Variants in EHMT1 observed in about 807,000 individuals in gnomAD.
The protein encoded by EHMT1 is histone-lysine N-methyltransferase EHMT1.
In EHMT1, 15 loss-of-function variants were observed where a neutral mutation model predicts 147.2. That is an observed-to-expected ratio of 0.10 (90% CI 0.07 to 0.16). EHMT1 has a LOEUF of 0.16. EHMT1 is among the 10% of genes least tolerant of loss of function. The probability of loss-of-function intolerance (pLI) is 1.00; values close to 1 mark genes in which losing one functional copy is unlikely to be tolerated. For synonymous variants in EHMT1, 795 were observed against 709.6 expected (o/e 1.12, Z -1.91); for missense variants, 1,587 against 1,772.4 (o/e 0.90, Z 1.88).
At chr9:137,724,797 G>A (rs887801616) in intron 3 of EHMT1, among the ~76,000 whole-genome samples, 4 of 152,148 alleles carry the variant, frequency 2.6e-5, no homozygotes, top group African/African-American at 9.7e-5. Context: ...ACCAAGAAAC[G>A]TTATACAGCA....
At chr9:137,763,042 A>G in intron 10 of EHMT1, 2 of 632,466 alleles carry the variant, frequency 3.2e-6, no homozygotes, top group Non-Finnish European at 2.8e-6. Flanking sequence ...CTGTGTAGAC[A>G]AAGTCTTTGA....
intron 13 of EHMT1, among the ~76,000 whole-genome samples, chr9:137,778,987 G>A (rs1346001056): frequency 2.0e-5 from 3 of 152,066 alleles, no homozygotes; most frequent in African/African-American, 4.8e-5. Flanking sequence ...CTGACTGAGC[G>A]GGAACTCACT....
chr9:137,824,036 T>C (rs757282029), intron 25 of EHMT1, among the ~76,000 whole-genome samples: 12 of 152,258 alleles, frequency 7.9e-5, no homozygotes, highest in African/African-American at 2.4e-4. Flanking sequence ...ATTCTATTAC[T>C]TTCCATGTCC....
At chr9:137,656,813 T>C (rs1242393938) in intron 1 of EHMT1, among the ~76,000 whole-genome samples, 1 of 152,148 alleles carries the variant, frequency 6.6e-6, no homozygotes, top group Non-Finnish European at 1.5e-5. Context: ...CCATCTTGGC[T>C]CACTGCAACC....
At chr9:137,754,657 C>CGT (rs1463104296) in intron 8 of EHMT1, among the ~76,000 whole-genome samples, 4 of 152,050 alleles carry the variant, frequency 2.6e-5, no homozygotes, top group African/African-American at 9.7e-5. Context: ...GGACTATAGG[C>CGT]GTGTGCCATC....
chr9:137,796,069 C>T (rs530487874), intron 16 of EHMT1, among the ~76,000 whole-genome samples: 3 of 152,312 alleles, frequency 2.0e-5, no homozygotes, highest in East Asian at 3.9e-4. Context: ...CTGATGGCAT[C>T]GAAAGCGAGA....
chr9:137,635,592 G>A (rs542056529), intron 1 of EHMT1, among the ~76,000 whole-genome samples: 6 of 151,632 alleles, frequency 4.0e-5, no homozygotes, highest in Non-Finnish European at 7.4e-5. Context: ...AGGCCGAGGT[G>A]GGTGGATCAC....
intron 5 of EHMT1, 46 bp downstream of exon 5, chr9:137,743,574 G>GT (rs1564675875): frequency 1.2e-6 from 2 of 1,613,098 alleles, no homozygotes; most frequent in South Asian, 2.2e-5. Context: ...GTGGAAATGC[G>GT]TTTCTGTGTT....
chr9:137,826,282 T>A (rs1955809449), intron 25 of EHMT1, among the ~76,000 whole-genome samples: 1 of 152,234 alleles, frequency 6.6e-6, no homozygotes, highest in African/African-American at 2.4e-5. Flanking sequence ...GCTTATCTTC[T>A]TCTTTCCCTG....
chr9:137,777,776 C>G, intron 12 of EHMT1, 106 bp from the exon 13 acceptor site: 1 of 1,501,022 alleles, frequency 6.7e-7, no homozygotes, highest in East Asian at 2.3e-5. Flanking sequence ...GGACAGTAAG[C>G]AAATCCGCAG....
At chr9:137,627,265 T>C (rs530322213) in intron 1 of EHMT1, among the ~76,000 whole-genome samples, 3 of 143,934 alleles carry the variant, frequency 2.1e-5, no homozygotes, top group Non-Finnish European at 4.7e-5. Flanking sequence ...GCCATTTTTT[T>C]TTTTTTTTTT....
intron 24 of EHMT1, 40 bp from the exon 25 acceptor site, chr9:137,818,020 G>T (rs377215233): frequency 1.2e-6 from 2 of 1,605,818 alleles, no homozygotes; most frequent in Non-Finnish European, 8.5e-7. Context: ...GGCAGTGCTC[G>T]CTGCCTTCCA....
intron 1 of EHMT1, among the ~76,000 whole-genome samples, chr9:137,690,368 A>C (rs1942830933): frequency 6.6e-6 from 1 of 151,952 alleles, no homozygotes; most frequent in African/African-American, 2.4e-5. Flanking sequence ...CAGGAGGCTG[A>C]GCTTAGCGGC....
At position 137,651,890 on chromosome 9, in the gene EHMT1, TA is replaced by T. The variant is rs1441274594; in HGVS notation, c.21+32844del. 3.7e-4 allele frequency among the ~76,000 whole-genome samples: 56 copies of T among 152,328 alleles called. 1 individual carries two copies. The East Asian group carries it at 5.6e-3, about 15-fold the overall frequency. ...ATAGGCATTATGTGTCCTGCTCAGG[TA>T]AACAAACCTACTCTGCTATCAGTTG... is the stretch of plus-strand genomic sequence containing the variant. On this transcript the variant is annotated intron_variant, in intron 1 of 26. Coordinates refer to ENST00000460843, the MANE Select transcript of EHMT1 (RefSeq NM_024757.5).
chr9:137,768,014 C>T (rs181464127), intron 10 of EHMT1, among the ~76,000 whole-genome samples: 173 of 152,222 alleles, frequency 1.1e-3, no homozygotes, highest in Non-Finnish European at 2.1e-3. Context: ...ATTACAGCTG[C>T]CTACAGTATT....
chr9:137,834,200 C>T (rs554378998), intron 25 of EHMT1, 149 bp from the exon 26 acceptor site: 1 of 1,056,764 alleles, frequency 9.5e-7, no homozygotes, highest in Non-Finnish European at 1.4e-6. Context: ...CTCCGCACCG[C>T]CGCCACAGGT....
chr9:137,715,611 C>T (rs992800235), intron 2 of EHMT1: 1 of 985,300 alleles, frequency 1.0e-6, no homozygotes, highest in Non-Finnish European at 1.2e-6. Context: ...TCGCAGGCTT[C>T]CTGCCTCAGC....
intron 9 of EHMT1, among the ~76,000 whole-genome samples, chr9:137,760,381 G>A (rs10867061): frequency 0.17 from 25,158 of 152,172 alleles, 2,818 homozygotes; most frequent in Admixed American, 0.31. Flanking sequence ...GGGTTTGTGT[G>A]TGTTTTCTCC....
intron 17 of EHMT1, among the ~76,000 whole-genome samples, chr9:137,799,157 G>A (rs1449808181): frequency 2.1e-5 from 3 of 143,682 alleles, no homozygotes; most frequent in Non-Finnish European, 4.6e-5. Context: ...GGGCCAGCTC[G>A]GACCCTCCAC....
Sources: allele counts gnomAD v4.1 joint callset (sites outside exome capture counted in the v4.1 genomes callset), GRCh38; gene constraint gnomAD v4.1.1; transcripts MANE v1.5; gene names NCBI Gene and HGNC (gene_info 2026-07-23, HGNC 2026-07-21).